The following TMEM132C variants were observed in gnomAD, a reference collection of about 807,000 sequenced individuals.
TMEM132C encodes transmembrane protein 132C.
TMEM132C carries 29 observed loss-of-function variants against 61.4 expected under a neutral mutation model. The observed-to-expected ratio is 0.47, with a 90% CI of 0.35 to 0.64. TMEM132C has a LOEUF of 0.64. TMEM132C is among the 30% of genes least tolerant of loss of function. The probability of loss-of-function intolerance (pLI) is 0.00; values close to 1 mark genes in which losing one functional copy is unlikely to be tolerated. For synonymous variants in TMEM132C, 656 were observed against 633.1 expected (o/e 1.04, Z -0.54); for missense variants, 1,408 against 1,476.9 (o/e 0.95, Z 0.76).
chr12:128,606,458 G>A (rs866606388), intron 3 of TMEM132C, among the ~76,000 whole-genome samples: 4 of 152,124 alleles, frequency 2.6e-5, no homozygotes, highest in Non-Finnish European at 4.4e-5. Context: ...TATTTCCCTC[G>A]CTGCCCAGCC....
At chr12:128,503,041 A>G (rs756735993) in intron 2 of TMEM132C, among the ~76,000 whole-genome samples, 22 of 152,234 alleles carry the variant, frequency 1.4e-4, no homozygotes, top group Non-Finnish European at 2.5e-4. Context: ...CTTGAAGGCT[A>G]AAATGTGTCT....
chr12:128,408,856 C>T (rs1405585540), intron 1 of TMEM132C, among the ~76,000 whole-genome samples: 3 of 152,146 alleles, frequency 2.0e-5, no homozygotes, highest in Non-Finnish European at 4.4e-5. Flanking sequence ...CCAAAGGCAG[C>T]TTTGATCTGC....
chr12:128,434,069 A>T (rs1291036167), intron 2 of TMEM132C, among the ~76,000 whole-genome samples: 1 of 152,224 alleles, frequency 6.6e-6, no homozygotes, highest in African/African-American at 2.4e-5. Flanking sequence ...CAAGAGCTGG[A>T]TGCCACCACT....
At chr12:128,537,281 G>A (rs151238786) in intron 2 of TMEM132C, among the ~76,000 whole-genome samples, 66 of 152,298 alleles carry the variant, frequency 4.3e-4, no homozygotes, top group Middle Eastern at 3.4e-3. Context: ...ACCATAAAAG[G>A]GCAAGGCAGT....
At chr12:128,513,012 G>A (rs1872614167) in intron 2 of TMEM132C, among the ~76,000 whole-genome samples, 1 of 152,198 alleles carries the variant, frequency 6.6e-6, no homozygotes, top group Non-Finnish European at 1.5e-5. Context: ...GGTGGGGGAA[G>A]CACGTGACAC....
intron 3 of TMEM132C, among the ~76,000 whole-genome samples, chr12:128,545,084 A>C (rs1367784629): frequency 1.3e-5 from 2 of 152,222 alleles, no homozygotes; most frequent in Non-Finnish European, 2.9e-5. Context: ...TGGTGAACAG[A>C]GCACCGAATA....
intron 2 of TMEM132C, among the ~76,000 whole-genome samples, chr12:128,473,318 CTA>C (rs1871022281): frequency 5.7e-5 from 6 of 105,180 alleles, no homozygotes; most frequent in East Asian, 7.0e-4. Context: ...ACTCCAGCCT[CTA>C]TCTTCATCTT....
intron 1 of TMEM132C, among the ~76,000 whole-genome samples, chr12:128,349,430 C>T (rs1255526742): frequency 6.6e-6 from 1 of 152,210 alleles, no homozygotes; most frequent in Non-Finnish European, 1.5e-5. Flanking sequence ...CTTGGTGCCA[C>T]ATTCCTAAAG....
At chr12:128,611,400 A>G (rs1466641) in intron 3 of TMEM132C, among the ~76,000 whole-genome samples, 18,166 of 151,836 alleles carry the variant, frequency 0.12, 2,441 homozygotes, top group African/African-American at 0.31. Context: ...TGAATGAAAG[A>G]CTTGTTGGAG....
At chr12:128,381,965 C>A (rs1367581843) in intron 1 of TMEM132C, among the ~76,000 whole-genome samples, 1 of 152,120 alleles carries the variant, frequency 6.6e-6, no homozygotes, top group African/African-American at 2.4e-5. Flanking sequence ...CCTCTCACCT[C>A]CTTCTCTTTG....
At position 128,558,539 on chromosome 12, in the gene TMEM132C, A is replaced by G. The variant is rs193049527; in HGVS notation, c.1121+14436A>G. Among the ~76,000 whole-genome samples the G allele has an allele frequency of 2.2e-3, 333 of 152,372 alleles. 2 individuals are homozygous for G. Among genetic ancestry groups the G allele is most frequent in the Non-Finnish European group, 3.5e-3 (239 of 68,036 alleles). ...CCCAACCATGCTGAACTGAGAGTCAATTAAACCTCTGTCCTTCATAAATCA... is the reference window on the plus strand; with the variant it reads ...CCCAACCATGCTGAACTGAGAGTCAGTTAAACCTCTGTCCTTCATAAATCA... On this transcript the variant is annotated intron_variant, in intron 3 of 8. Coordinates refer to ENST00000435159, the MANE Select transcript of TMEM132C (RefSeq NM_001136103.3).
rs559141734 is a variant in TMEM132C, at chr12:128,578,048, TTA to T, written c.1121+33947_1121+33948del. Reference sequence around the variant, plus strand: ...CTTAAATATATTTCAAGAGAAAACTTTATGTCATTACCGAGTATGAAAAAACT... The same window carrying T: ...CTTAAATATATTTCAAGAGAAAACTTTGTCATTACCGAGTATGAAAAAACT... On this transcript the variant is annotated intron_variant, in intron 3 of 8. Transcript: ENST00000435159. Among the ~76,000 whole-genome samples, 497 of 152,372 alleles carry T rather than the reference TTA, an allele frequency of 3.3e-3. 1 individual carries two copies. The highest frequency in any genetic ancestry group is 0.011 in the African/African-American group (452 of 41,586).
Position 128,414,824 on chromosome 12 carries a change from ACCT to A in TMEM132C, c.182_184del (p.Ser61del). 6.5e-7 allele frequency: 1 copy of A among 1,545,882 alleles called. No individual in the cohort carries two copies. The highest frequency in any genetic ancestry group is 8.7e-7 in the Non-Finnish European group (1 of 1,146,934). ...GAGCTACCACATCCTCAGAGCAGAGACCTCCTTCTTCCTCAAGGAAGCCAACCA... is the reference window on the plus strand; with the variant it reads ...GAGCTACCACATCCTCAGAGCAGAGACCTTCTTCCTCAAGGAAGCCAACCA... On this transcript the variant is annotated inframe_deletion, in exon 2 of 9. Coordinates refer to ENST00000435159, the MANE Select transcript of TMEM132C (RefSeq NM_001136103.3).
intron 3 of TMEM132C, among the ~76,000 whole-genome samples, chr12:128,554,844 T>G (rs1018515570): frequency 6.6e-6 from 1 of 152,152 alleles, no homozygotes; most frequent in Non-Finnish European, 1.5e-5. Flanking sequence ...TCAGCCCTAA[T>G]TGGGATCCTG....
intron 1 of TMEM132C, among the ~76,000 whole-genome samples, chr12:128,327,394 GTT>G (rs1239587006): frequency 7.1e-6 from 1 of 140,928 alleles, no homozygotes; most frequent in African/African-American, 3.0e-5. Context: ...TTGTTTGTTT[GTT>G]TTTTGAGATG....
chr12:128,675,274 T>C (rs1350700462), intron 5 of TMEM132C, among the ~76,000 whole-genome samples: 1 of 152,128 alleles, frequency 6.6e-6, no homozygotes, highest in Non-Finnish European at 1.5e-5. Flanking sequence ...GACTTTATTT[T>C]GCATACCAAC....
At chr12:128,683,220 A>G (rs1566014030) in intron 5 of TMEM132C, among the ~76,000 whole-genome samples, 1 of 152,104 alleles carries the variant, frequency 6.6e-6, no homozygotes, top group East Asian at 1.9e-4. Flanking sequence ...CCGGCCCTCT[A>G]CAGAGTCCCA....
chr12:128,562,123 ATC>A (rs1874543571), intron 3 of TMEM132C, among the ~76,000 whole-genome samples: 2 of 152,112 alleles, frequency 1.3e-5, no homozygotes, highest in Non-Finnish European at 2.9e-5. Context: ...TGGAAACCGC[ATC>A]TCTCTCTCCT....
rs772162267 is a variant in TMEM132C at position 128,322,600 on chromosome 12, C to T, written c.85+55113C>T. On this transcript the variant is annotated intron_variant, in intron 1 of 8. Coordinates refer to ENST00000435159, the MANE Select transcript of TMEM132C (RefSeq NM_001136103.3). ...TCTGAGTCAATTTCATCTTTTCGCACGCCCGTCACTCCTAAGAGCTCACTT... is the reference window on the plus strand; with the variant it reads ...TCTGAGTCAATTTCATCTTTTCGCATGCCCGTCACTCCTAAGAGCTCACTT... Among the ~76,000 whole-genome samples the T allele has an allele frequency of 2.0e-5, 3 of 152,302 alleles. No individual in the cohort carries two copies. The East Asian group carries it at 5.8e-4, about 29-fold the overall frequency.
Sources: gnomAD v4.1 joint callset for allele counts (sites outside exome capture counted in the v4.1 genomes callset) on GRCh38, gnomAD v4.1.1 for gene constraint, MANE v1.5 for transcripts, NCBI Gene and HGNC (gene_info 2026-07-23, HGNC 2026-07-21) for gene names.